The following LRRC4C variants were observed in gnomAD, a reference collection of about 807,000 sequenced individuals.
LRRC4C encodes leucine-rich repeat-containing protein 4C.
Under a neutral mutation model 33.6 loss-of-function variants are expected in LRRC4C, and 5 were observed. That is an observed-to-expected ratio of 0.15 (90% CI 0.08 to 0.31). The LOEUF (loss-of-function observed/expected upper bound fraction) is 0.31, where lower values mean the gene tolerates loss of function less well. LRRC4C is among the 10% of genes least tolerant of loss of function. The pLI is 1.00. For synonymous variants in LRRC4C, 329 were observed against 302.0 expected, an observed-to-expected ratio of 1.09 and a Z score of -0.93; for missense variants, 560 against 796.7, an observed-to-expected ratio of 0.70 and a Z score of 3.58.
intron 3 of LRRC4C, among the ~76,000 whole-genome samples, chr11:40,612,415 T>C (rs1032154147): frequency 2.0e-5 from 3 of 151,822 alleles, no homozygotes; most frequent in Non-Finnish European, 2.9e-5. Flanking sequence ...TATTGTTCAA[T>C]GGGTACAGAA....
chr11:40,782,943 A>T (rs1364119511), intron 2 of LRRC4C, among the ~76,000 whole-genome samples: 1 of 152,066 alleles, frequency 6.6e-6, no homozygotes, highest in Non-Finnish European at 1.5e-5. Context: ...TGTGTATTTT[A>T]TATATATTTA....
chr11:40,886,132 CTTATA>C (rs765852406), intron 2 of LRRC4C, among the ~76,000 whole-genome samples: 3 of 151,974 alleles, frequency 2.0e-5, no homozygotes, highest in African/African-American at 4.8e-5. Context: ...AAATAATACA[CTTATA>C]TTTATTTATC....
Position 40,274,776 on chromosome 11 carries a change from C to T in LRRC4C, c.-175-33178G>A, listed in dbSNP as rs529064756. On this transcript the variant is annotated intron_variant, in intron 4 of 6. Coordinates refer to ENST00000528697, the MANE Select transcript of LRRC4C (RefSeq NM_001258419.2). ...TAAGGCTCAGAAAAGAGGTAACTTA[C>T]ATAGAGTGCTACAACCAGAGCACAC... Among the ~76,000 whole-genome samples the T allele has an allele frequency of 7.8e-4, 119 of 152,192 alleles. 1 individual carries two copies. The highest frequency in any genetic ancestry group is 2.7e-3 in the African/African-American group (114 of 41,542).
At chr11:40,778,812 C>G (rs142545921) in intron 2 of LRRC4C, among the ~76,000 whole-genome samples, 2 of 152,084 alleles carry the variant, frequency 1.3e-5, no homozygotes, top group Non-Finnish European at 2.9e-5. Context: ...TTTCATTATT[C>G]TAAGAATAAA....
At chr11:40,876,260 G>GTTTTTTTTTTTT in intron 2 of LRRC4C, among the ~76,000 whole-genome samples, 1 of 91,296 alleles carries the variant, frequency 1.1e-5, no homozygotes, top group Non-Finnish European at 2.0e-5. Context: ...CTCAGTTAGG[G>GTTTTTTTTTTTT]TTTTTTTTTT....
At chr11:40,325,774 C>T (rs1162150096) in intron 3 of LRRC4C, among the ~76,000 whole-genome samples, 3 of 152,042 alleles carry the variant, frequency 2.0e-5, no homozygotes, top group Admixed American at 2.0e-4. Context: ...TGTCATTTTC[C>T]AGCAAATAAA....
chr11:40,405,254 A>C (rs1269849489), intron 3 of LRRC4C, among the ~76,000 whole-genome samples: 1 of 151,960 alleles, frequency 6.6e-6, no homozygotes, highest in Non-Finnish European at 1.5e-5. Flanking sequence ...ATATTGTTAC[A>C]AAGGGGAGAA....
At chr11:41,421,330 C>T (rs1425065979) in intron 1 of LRRC4C, among the ~76,000 whole-genome samples, 1 of 152,030 alleles carries the variant, frequency 6.6e-6, no homozygotes. Context: ...ACTACACTTC[C>T]ATCTGCCATA....
Position 41,359,199 on chromosome 11 carries a change from G to A in LRRC4C, c.-496+100232C>T, listed in dbSNP as rs996360034. On this transcript the variant is annotated intron_variant, in intron 1 of 6. Coordinates refer to ENST00000528697, the MANE Select transcript of LRRC4C (RefSeq NM_001258419.2). ...TTGCCAGGAATTAGAGAGAGGAAGGGATGTATTGGCAGAGCACAGAGAGTC... is the reference window on the plus strand; with the variant it reads ...TTGCCAGGAATTAGAGAGAGGAAGGAATGTATTGGCAGAGCACAGAGAGTC... Among the ~76,000 whole-genome samples, 4 of 152,168 alleles carry A rather than the reference G, an allele frequency of 2.6e-5. No homozygotes were observed. The East Asian group carries it at 5.8e-4, about 22-fold the overall frequency.
At chr11:41,176,204 C>A (rs1188263118) in intron 1 of LRRC4C, among the ~76,000 whole-genome samples, 1 of 152,072 alleles carries the variant, frequency 6.6e-6, no homozygotes, top group Non-Finnish European at 1.5e-5. Flanking sequence ...TATGATATTT[C>A]TTCACCAGTT....
chr11:41,239,979 C>A (rs1314573376), intron 1 of LRRC4C, among the ~76,000 whole-genome samples: 1 of 152,160 alleles, frequency 6.6e-6, no homozygotes, highest in African/African-American at 2.4e-5. Flanking sequence ...TAATTTTACC[C>A]ATTCTGGCTA....
At chr11:41,073,380 C>T (rs1308666698) in intron 1 of LRRC4C, among the ~76,000 whole-genome samples, 2 of 152,080 alleles carry the variant, frequency 1.3e-5, no homozygotes, top group African/African-American at 4.8e-5. Flanking sequence ...GCAAGAGCTC[C>T]TTTCCTCCCA....
chr11:41,270,463 A>G (rs1026043134), intron 1 of LRRC4C, among the ~76,000 whole-genome samples: 1 of 152,156 alleles, frequency 6.6e-6, no homozygotes, highest in Non-Finnish European at 1.5e-5. Context: ...CAGCCTTCAG[A>G]GAGTATGAAG....
chr11:40,434,115 T>C (rs1951046361), intron 3 of LRRC4C, among the ~76,000 whole-genome samples: 3 of 152,212 alleles, frequency 2.0e-5, no homozygotes, highest in Admixed American at 2.0e-4. Flanking sequence ...TATGATATTA[T>C]TTGTTTGGGT....
intron 3 of LRRC4C, among the ~76,000 whole-genome samples, chr11:40,480,325 C>T (rs1953482224): frequency 1.3e-5 from 2 of 150,682 alleles, no homozygotes; most frequent in Admixed American, 1.3e-4. Flanking sequence ...TCAGTTTTCT[C>T]CTCTCCCATC....
chr11:40,925,866 C>T (rs372990396), intron 2 of LRRC4C, among the ~76,000 whole-genome samples: 9 of 152,160 alleles, frequency 5.9e-5, no homozygotes, highest in African/African-American at 1.2e-4. Context: ...AATTCTAAAA[C>T]GAAATATACA....
Position 40,132,616 on chromosome 11 carries a change from G to A in LRRC4C, c.-43+8185C>T, listed in dbSNP as rs567392181. Among the ~76,000 whole-genome samples, 10 of 152,164 alleles carry A rather than the reference G, an allele frequency of 6.6e-5. No individual in the cohort carries two copies. In the East Asian group the frequency reaches 1.4e-3, roughly 21 times the overall value. On this transcript the variant is annotated intron_variant, in intron 6 of 6. Coordinates refer to ENST00000528697, the MANE Select transcript of LRRC4C (RefSeq NM_001258419.2). ...GATGTTTATCTCTTAGGGTGTTTTGGGTGACCATGCCTGATGCGAAAGGAG... is the reference window on the plus strand; with the variant it reads ...GATGTTTATCTCTTAGGGTGTTTTGAGTGACCATGCCTGATGCGAAAGGAG...
intron 4 of LRRC4C, among the ~76,000 whole-genome samples, chr11:40,258,904 T>C (rs1273236329): frequency 6.6e-6 from 1 of 152,214 alleles, no homozygotes; most frequent in Non-Finnish European, 1.5e-5. Flanking sequence ...AGAATTATTA[T>C]TAACCAAGTC....
At chr11:41,338,848 G>A (rs924770990) in intron 1 of LRRC4C, among the ~76,000 whole-genome samples, 8 of 151,886 alleles carry the variant, frequency 5.3e-5, no homozygotes, top group African/African-American at 1.7e-4. Context: ...AAAATCTAAT[G>A]ACCTCCGGCA....
Sources: gnomAD v4.1 joint callset for allele counts (sites outside exome capture counted in the v4.1 genomes callset) on GRCh38, gnomAD v4.1.1 for gene constraint, MANE v1.5 for transcripts, NCBI Gene and HGNC (gene_info 2026-07-23, HGNC 2026-07-21) for gene names.